The following NEGR1 variants were observed in gnomAD, a reference collection of about 807,000 sequenced individuals.
NEGR1 encodes IgLON family member 4.
A neutral mutation model predicts 40.9 loss-of-function variants in NEGR1; 10 were observed. That is an observed-to-expected ratio of 0.24 (90% CI 0.15 to 0.42). NEGR1 has a LOEUF of 0.42. NEGR1 is among the 10% of genes least tolerant of loss of function. NEGR1 has a pLI of 1.00. For synonymous variants in NEGR1, 185 were observed against 166.8 expected (o/e 1.11, Z -0.84); for missense variants, 352 against 438.9 (o/e 0.80, Z 1.77).
intron 4 of NEGR1, among the ~76,000 whole-genome samples, chr1:71,684,716 G>C (rs1176503775): frequency 6.6e-6 from 1 of 152,160 alleles, no homozygotes. Flanking sequence ...TAGGAATGCT[G>C]CTTGGTGCTT....
intron 2 of NEGR1, among the ~76,000 whole-genome samples, chr1:71,782,705 T>C (rs1047226553): frequency 6.6e-6 from 1 of 152,168 alleles, no homozygotes; most frequent in Admixed American, 6.6e-5. Context: ...AGAGATCCTA[T>C]AAAATTTTAT....
chr1:71,992,175 T>A (rs1231134862), intron 1 of NEGR1, among the ~76,000 whole-genome samples: 1 of 152,204 alleles, frequency 6.6e-6, no homozygotes, highest in African/African-American at 2.4e-5. Context: ...AGAACAGCTT[T>A]AATATTATGA....
intron 6 of NEGR1, among the ~76,000 whole-genome samples, chr1:71,505,989 A>T (rs13373800): frequency 0.04 from 6,109 of 152,236 alleles, 404 homozygotes; most frequent in African/African-American, 0.14. Context: ...AAAAAGTTAA[A>T]TATTTAGGAT....
intron 1 of NEGR1, among the ~76,000 whole-genome samples, chr1:72,122,843 C>T (rs1649853919): frequency 6.6e-6 from 1 of 151,874 alleles, no homozygotes; most frequent in Non-Finnish European, 1.5e-5. Context: ...ACAGTGAGGT[C>T]TAGCAGCAGT....
intron 1 of NEGR1, among the ~76,000 whole-genome samples, chr1:72,067,855 G>T (rs955442208): frequency 6.6e-6 from 1 of 152,052 alleles, no homozygotes; most frequent in East Asian, 1.9e-4. Flanking sequence ...ATTACTGAAG[G>T]TTATATTCAT....
intron 6 of NEGR1, among the ~76,000 whole-genome samples, chr1:71,483,072 T>C (rs1163335521): frequency 6.6e-5 from 10 of 151,608 alleles, no homozygotes; most frequent in Non-Finnish European, 1.5e-4. Flanking sequence ...TTGCAAAGAC[T>C]TGGAGAAGTC....
intron 3 of NEGR1, among the ~76,000 whole-genome samples, chr1:71,748,538 G>A (rs920922988): frequency 1.3e-5 from 2 of 152,124 alleles, no homozygotes; most frequent in African/African-American, 4.8e-5. Flanking sequence ...AATGACCTAT[G>A]ATACCTGTAT....
At chr1:71,408,606 G>A (rs1475548313) in intron 6 of NEGR1, 2 of 151,870 alleles carry the variant, frequency 1.3e-5, no homozygotes, top group Admixed American at 1.3e-4. Flanking sequence ...TTGTGTTCCA[G>A]AAATTAAATG....
intron 1 of NEGR1, among the ~76,000 whole-genome samples, chr1:72,224,440 G>T (rs947081103): frequency 6.6e-6 from 1 of 151,846 alleles, no homozygotes. Flanking sequence ...CATATTTGTG[G>T]GAAAAGAGTT....
At chr1:72,246,735 C>T (rs1344120934) in intron 1 of NEGR1, among the ~76,000 whole-genome samples, 3 of 152,198 alleles carry the variant, frequency 2.0e-5, no homozygotes, top group Non-Finnish European at 2.9e-5. Context: ...TAGGTAGTGG[C>T]CCACTGGGGA....
chr1:71,575,202 C>A (rs1271089606), intron 6 of NEGR1, among the ~76,000 whole-genome samples: 1 of 152,136 alleles, frequency 6.6e-6, no homozygotes, highest in African/African-American at 2.4e-5. Context: ...GATTAAGAGC[C>A]TGGTAATTTA....
At chr1:71,867,311 T>A (rs181607039) in intron 2 of NEGR1, among the ~76,000 whole-genome samples, 2 of 152,034 alleles carry the variant, frequency 1.3e-5, no homozygotes, top group African/African-American at 4.8e-5. Flanking sequence ...GAGGTGGAGG[T>A]TGCAGTGAGT....
intron 6 of NEGR1, among the ~76,000 whole-genome samples, chr1:71,472,137 T>C (rs1456444617): frequency 1.3e-5 from 2 of 152,134 alleles, no homozygotes; most frequent in South Asian, 4.1e-4. Flanking sequence ...ATCTCTACGA[T>C]CTCTTTGAGT....
intron 1 of NEGR1, among the ~76,000 whole-genome samples, chr1:72,274,137 A>G: frequency 6.6e-6 from 1 of 151,918 alleles, no homozygotes; most frequent in East Asian, 1.9e-4. Flanking sequence ...CATGCCTGAG[A>G]TACAAAAGAT....
At chr1:72,036,462 C>G (rs1282078581) in intron 1 of NEGR1, among the ~76,000 whole-genome samples, 1 of 151,872 alleles carries the variant, frequency 6.6e-6, no homozygotes, top group Non-Finnish European at 1.5e-5. Context: ...TCGAGACCAG[C>G]CAGGCCAACA....
intron 1 of NEGR1, among the ~76,000 whole-genome samples, chr1:72,176,672 C>G (rs1415769677): frequency 1.3e-5 from 2 of 151,890 alleles, no homozygotes; most frequent in Non-Finnish European, 2.9e-5. Context: ...GGGAAACAAA[C>G]AAACAAACAA....
rs539736884 is a variant in NEGR1 at position 71,817,333 on chromosome 1, G to A, written c.410-41036C>T. On this transcript the variant is annotated intron_variant, in intron 2 of 6. Transcript: ENST00000357731. ...GGTAGTACAAAGTGCCTGCCAGTTC[G>A]CTGACATGGGCTAATTCTGGTGGCC... Among the ~76,000 whole-genome samples the A allele has an allele frequency of 9.9e-5, 15 of 152,174 alleles. No homozygotes were observed. The East Asian group carries it at 1.7e-3, about 18-fold the overall frequency.
chr1:72,002,058 T>C (rs775571515), intron 1 of NEGR1, among the ~76,000 whole-genome samples: 29 of 152,110 alleles, frequency 1.9e-4, no homozygotes, highest in Non-Finnish European at 3.7e-4. Context: ...CATCTGCTGT[T>C]CTTTTTGCTA....
At chr1:71,440,574 A>C (rs1646540674) in intron 6 of NEGR1, among the ~76,000 whole-genome samples, 1 of 152,222 alleles carries the variant, frequency 6.6e-6, no homozygotes, top group South Asian at 2.1e-4. Context: ...TATTCAGGAA[A>C]GGATACTACT....
Sources: gnomAD v4.1 joint callset for allele counts (sites outside exome capture counted in the v4.1 genomes callset) on GRCh38, gnomAD v4.1.1 for gene constraint, MANE v1.5 for transcripts, NCBI Gene and HGNC (gene_info 2026-07-23, HGNC 2026-07-21) for gene names.